The following PCDH15 variants were observed in gnomAD, a reference collection of about 807,000 sequenced individuals.
PCDH15 encodes the protein protocadherin related 15.
A neutral mutation model predicts 178.5 loss-of-function variants in PCDH15; 129 were observed. The observed-to-expected ratio is 0.72, with a 90% CI of 0.63 to 0.84. The LOEUF (loss-of-function observed/expected upper bound fraction) is 0.84, where lower values mean the gene tolerates loss of function less well. PCDH15 is among the 40% of genes least tolerant of loss of function. PCDH15 has a pLI of 0.00. For missense variants in PCDH15, 2,230 were observed against 2,099.9 expected (o/e 1.06, Z -1.21); for synonymous variants, 800 against 732.0 (o/e 1.09, Z -1.50).
chr10:53,875,084 T>C (rs1400306295), intron 26 of PCDH15, among the ~76,000 whole-genome samples: 3 of 151,770 alleles, frequency 2.0e-5, no homozygotes, highest in African/African-American at 7.3e-5. Context: ...GAATGAAAAT[T>C]TTGGCAAATA....
At chr10:54,646,644 C>A (rs1250676567) in intron 2 of PCDH15, among the ~76,000 whole-genome samples, 1 of 151,896 alleles carries the variant, frequency 6.6e-6, no homozygotes, top group Non-Finnish European at 1.5e-5. Context: ...ATCAGTAGGG[C>A]AGTATTAACA....
At chr10:54,024,677 A>C (rs2093029144) in intron 18 of PCDH15, among the ~76,000 whole-genome samples, 1 of 152,190 alleles carries the variant, frequency 6.6e-6, no homozygotes, top group African/African-American at 2.4e-5. Context: ...AGATAGAAGA[A>C]TTGCAGAAAT....
chr10:54,357,325 C>T (rs948616422), intron 5 of PCDH15, among the ~76,000 whole-genome samples: 3 of 152,136 alleles, frequency 2.0e-5, no homozygotes, highest in African/African-American at 7.2e-5. Context: ...TCTCAGGATA[C>T]AAAATCAATG....
rs142157038 is a variant in PCDH15, at chr10:54,114,038, T to C, written c.1917+18837A>G. Among the ~76,000 whole-genome samples, 857 of 152,270 alleles carry C rather than the reference T, an allele frequency of 5.6e-3. 7 individuals are homozygous for C. Among genetic ancestry groups the C allele is most frequent in the African/African-American group, 0.019 (784 of 41,550 alleles). On this transcript the variant is annotated intron_variant, in intron 15 of 37. Coordinates refer to ENST00000644397, the MANE Select transcript of PCDH15 (RefSeq NM_001384140.1). ...CATAGGAAAATCTCGCCCACATGAT[T>C]CCATTACCTGCCACCTGGTCCCTCC...
rs572656886 is a variant in PCDH15, at chr10:55,622,477, T to A, written c.-156+5148A>T. On this transcript the variant is annotated intron_variant, in intron 2 of 5. Coordinates refer to the PCDH15 transcript ENST00000613346. ...ACATAGTTATATAAATCATTTCTAATGATTTGTTCATCTTCAAAACATAGG... is the reference window on the plus strand; with the variant it reads ...ACATAGTTATATAAATCATTTCTAAAGATTTGTTCATCTTCAAAACATAGG... Among the ~76,000 whole-genome samples the A allele has an allele frequency of 2.3e-4, 35 of 152,176 alleles. 1 individual carries two copies. The highest frequency in any genetic ancestry group is 8.2e-4 in the African/African-American group (34 of 41,516).
chr10:54,595,916 G>T (rs2092210518), intron 2 of PCDH15, among the ~76,000 whole-genome samples: 1 of 151,728 alleles, frequency 6.6e-6, no homozygotes, highest in Non-Finnish European at 1.5e-5. Flanking sequence ...CAAGAATAAA[G>T]AAAAAAGAAT....
chr10:53,815,658 G>A (rs752325137), intron 35 of PCDH15, among the ~76,000 whole-genome samples: 1 of 151,890 alleles, frequency 6.6e-6, no homozygotes, highest in Non-Finnish European at 1.5e-5. Context: ...TACTAAATTT[G>A]CCGTAAAATT....
intron 21 of PCDH15, among the ~76,000 whole-genome samples, chr10:53,983,979 T>C (rs2090889052): frequency 6.6e-6 from 1 of 152,130 alleles, no homozygotes; most frequent in Non-Finnish European, 1.5e-5. Flanking sequence ...CAGGGCCTGA[T>C]TCTTTTGTTA....
At chr10:54,704,988 C>T (rs1186509916) in intron 1 of PCDH15, among the ~76,000 whole-genome samples, 1 of 152,080 alleles carries the variant, frequency 6.6e-6, no homozygotes, top group East Asian at 1.9e-4. Context: ...TGTCATATTA[C>T]ACAGCCATAA....
intron 1 of PCDH15, among the ~76,000 whole-genome samples, chr10:55,198,233 G>T (rs1035965346): frequency 6.6e-6 from 1 of 152,074 alleles, no homozygotes; most frequent in Non-Finnish European, 1.5e-5. Context: ...TAGTTCTACT[G>T]AGTAGAATTT....
intron 1 of PCDH15, among the ~76,000 whole-genome samples, chr10:54,772,395 A>T (rs1272425904): frequency 2.6e-5 from 4 of 152,214 alleles, no homozygotes; most frequent in African/African-American, 9.6e-5. Context: ...AACTGCATTC[A>T]GAATGTATAA....
chr10:54,759,860 C>T (rs980303483), intron 1 of PCDH15, among the ~76,000 whole-genome samples: 1 of 152,170 alleles, frequency 6.6e-6, no homozygotes, highest in Admixed American at 6.5e-5. Flanking sequence ...ACAGCTGCAA[C>T]CCAGAATGAT....
At chr10:55,018,444 T>C (rs1475220727) in intron 2 of PCDH15, among the ~76,000 whole-genome samples, 1 of 152,140 alleles carries the variant, frequency 6.6e-6, no homozygotes, top group Non-Finnish European at 1.5e-5. Context: ...TTGTAATTAA[T>C]TGTAATACTG....
At chr10:54,526,905 C>A (rs879821920) in intron 3 of PCDH15, among the ~76,000 whole-genome samples, 1 of 151,980 alleles carries the variant, frequency 6.6e-6, no homozygotes, top group African/African-American at 2.4e-5. Context: ...TACATGTACG[C>A]GTGTAGATTG....
chr10:54,260,032 T>C (rs1165499290), intron 8 of PCDH15, among the ~76,000 whole-genome samples: 1 of 152,188 alleles, frequency 6.6e-6, no homozygotes. Context: ...AGGAAGATCA[T>C]AGGAAAGATA....
chr10:54,649,452 T>C (rs1204836930), intron 2 of PCDH15, among the ~76,000 whole-genome samples: 6 of 152,278 alleles, frequency 3.9e-5, no homozygotes, highest in Admixed American at 2.0e-4. Context: ...GGACAAATCT[T>C]GCATACAACC....
At chr10:55,180,942 A>G (rs576473859) in intron 1 of PCDH15, among the ~76,000 whole-genome samples, 1 of 152,030 alleles carries the variant, frequency 6.6e-6, no homozygotes, top group South Asian at 2.2e-4. Flanking sequence ...AACTCAGAGA[A>G]AAAAAACATA....
intron 3 of PCDH15, among the ~76,000 whole-genome samples, chr10:54,387,045 G>A (rs1950017318): frequency 1.3e-5 from 2 of 151,304 alleles, no homozygotes; most frequent in East Asian, 2.0e-4. Flanking sequence ...TAGTTGGCTT[G>A]ATTTAACCAT....
rs1226182167 is a variant in PCDH15 at position 54,735,124 on chromosome 10, C to T, written c.-29+65801G>A. Among the ~76,000 whole-genome samples, 8 of 152,012 alleles carry T rather than the reference C, an allele frequency of 5.3e-5. No homozygotes were observed. In the East Asian group the frequency reaches 1.6e-3, roughly 29 times the overall value. On this transcript the variant is annotated intron_variant, in intron 1 of 37. Coordinates refer to ENST00000644397, the MANE Select transcript of PCDH15 (RefSeq NM_001384140.1). ...TATATTAACCACTTTATTATACTAT[C>T]CCTTTATAGAAATTCTCATGTTAAA...
Sources: gnomAD v4.1 joint callset for allele counts (sites outside exome capture counted in the v4.1 genomes callset) on GRCh38, gnomAD v4.1.1 for gene constraint, MANE v1.5 for transcripts, NCBI Gene and HGNC (gene_info 2026-07-23, HGNC 2026-07-21) for gene names.